TMEM117: variants seen among roughly 807,000 people sequenced by gnomAD.
The protein encoded by TMEM117 is transmembrane protein 117.
Under a neutral mutation model 52.4 loss-of-function variants are expected in TMEM117, and 27 were observed. The observed-to-expected ratio is 0.51, with a 90% CI of 0.38 to 0.71. The LOEUF is 0.71. TMEM117 is among the 30% of genes least tolerant of loss of function. The pLI, the probability that TMEM117 is intolerant of heterozygous loss-of-function variation, is 0.00. For missense variants in TMEM117, 556 were observed against 630.5 expected (o/e 0.88, Z 1.26); for synonymous variants, 215 against 206.3 (o/e 1.04, Z -0.36).
In TMEM117 at chr12:44,344,896, C is replaced by T. The variant is rs573933796; in HGVS notation, c.769-31699C>T. Among the ~76,000 whole-genome samples, 15 of 152,100 alleles carry T rather than the reference C, an allele frequency of 9.9e-5. No homozygotes were observed. The South Asian group carries it at 2.7e-3, about 27-fold the overall frequency. On this transcript the variant is annotated intron_variant, in intron 6 of 7. Transcript: ENST00000266534. Reference sequence around the variant, plus strand: ...GAGTAGGATTGCAGGGTCTCTTATGCCTTCTGTTGGGACATCTGATTGTTT... The same window carrying T: ...GAGTAGGATTGCAGGGTCTCTTATGTCTTCTGTTGGGACATCTGATTGTTT...
chr12:43,996,642 C>CAATA (rs71091192), intron 3 of TMEM117, among the ~76,000 whole-genome samples: 4,378 of 145,214 alleles, frequency 0.03, 113 homozygotes, highest in African/African-American at 0.067. Flanking sequence ...GACTCCATCT[C>CAATA]AATAAATAAA....
intron 6 of TMEM117, among the ~76,000 whole-genome samples, chr12:44,345,985 C>T (rs1009654098): frequency 6.6e-6 from 1 of 151,954 alleles, no homozygotes; most frequent in East Asian, 1.9e-4. Flanking sequence ...ACTAAAATTC[C>T]CTCTTTTAAA....
chr12:44,265,419 C>T (rs2138551627), intron 5 of TMEM117, among the ~76,000 whole-genome samples: 1 of 152,214 alleles, frequency 6.6e-6, no homozygotes, highest in Non-Finnish European at 1.5e-5. Context: ...TCATTTTTGG[C>T]TGCTCTGTGG....
chr12:44,092,765 C>G (rs781158905), intron 3 of TMEM117, among the ~76,000 whole-genome samples: 9 of 152,222 alleles, frequency 5.9e-5, no homozygotes, highest in Non-Finnish European at 1.3e-4. Flanking sequence ...TTCATTCTTT[C>G]ACCAGTAGTT....
chr12:43,836,657 A>G (rs538134277), intron 1 of TMEM117, among the ~76,000 whole-genome samples: 2 of 152,312 alleles, frequency 1.3e-5, no homozygotes, highest in Admixed American at 6.5e-5. Context: ...GGAAAAAAAC[A>G]AAGACTTGGG....
intron 2 of TMEM117, among the ~76,000 whole-genome samples, chr12:43,877,956 A>G (rs955951631): frequency 4.0e-5 from 6 of 151,828 alleles, no homozygotes; most frequent in Admixed American, 2.6e-4. Context: ...ATATATGTTT[A>G]TGATTTGTTT....
chr12:44,340,683 A>G (rs1951405045), intron 6 of TMEM117, among the ~76,000 whole-genome samples: 1 of 152,100 alleles, frequency 6.6e-6, no homozygotes, highest in Non-Finnish European at 1.5e-5. Flanking sequence ...TACAAGAAGG[A>G]GATGGAGCTG....
Position 43,848,206 on chromosome 12 carries a change from T to C in TMEM117, c.277+3278T>C, listed in dbSNP as rs12316680. ...ACTGATAAGGGTCTATGTTCAGCAG[T>C]GCATGTATTGTCTTGATAAACATCT... On this transcript the variant is annotated intron_variant, in intron 2 of 7. Transcript: ENST00000266534. Among the ~76,000 whole-genome samples the C allele has an allele frequency of 6.6e-3, 1,004 of 152,252 alleles. 9 individuals carry two copies. The highest frequency in any genetic ancestry group is 0.023 in the African/African-American group (936 of 41,524).
the TMEM117 span, among the ~76,000 whole-genome samples, chr12:43,811,046 G>A: frequency 1.3e-5 from 2 of 152,118 alleles, no homozygotes; most frequent in African/African-American, 2.4e-5. Flanking sequence ...GATAGTTTTT[G>A]GTGAGATAGA....
At chr12:44,246,037 G>A (rs1054422549) in intron 5 of TMEM117, among the ~76,000 whole-genome samples, 1 of 152,012 alleles carries the variant, frequency 6.6e-6, no homozygotes, top group Non-Finnish European at 1.5e-5. Context: ...AATTTGATCA[G>A]CATCTACAGA....
At chr12:44,353,104 G>A (rs1487375880) in intron 6 of TMEM117, among the ~76,000 whole-genome samples, 1 of 152,148 alleles carries the variant, frequency 6.6e-6, no homozygotes, top group Non-Finnish European at 1.5e-5. Context: ...CTTTTGAGCG[G>A]TGTCTGTTCA....
chr12:44,130,681 T>C (rs1357073394), intron 3 of TMEM117, among the ~76,000 whole-genome samples: 1 of 152,150 alleles, frequency 6.6e-6, no homozygotes, highest in East Asian at 1.9e-4. Flanking sequence ...GGAAAGTTTC[T>C]AAATATAGAT....
intron 1 of TMEM117, among the ~76,000 whole-genome samples, chr12:43,842,742 G>A (rs527563225): frequency 2.0e-5 from 3 of 149,564 alleles, no homozygotes; most frequent in South Asian, 2.1e-4. Flanking sequence ...ACACACACAC[G>A]TGCACGCACA....
At chr12:43,963,728 A>C (rs924479813) in intron 3 of TMEM117, among the ~76,000 whole-genome samples, 7 of 152,216 alleles carry the variant, frequency 4.6e-5, no homozygotes, top group Non-Finnish European at 1.0e-4. Context: ...GCATGATTGG[A>C]GATCCAAGTC....
rs1169298918 is a variant in TMEM117 at position 43,837,552 on chromosome 12, G to A, written c.-29+1356G>A. Among the ~76,000 whole-genome samples, 4 of 152,040 alleles carry A rather than the reference G, an allele frequency of 2.6e-5. No individual in the cohort carries two copies. The East Asian group carries it at 7.7e-4, about 29-fold the overall frequency. On this transcript the variant is annotated intron_variant, in intron 1 of 7. Transcript: ENST00000266534. ...AGTAGAGATGGGGTTTCACCATGTT[G>A]GTCAGGCTGGTCTCGAACTCTTGAC... is the stretch of plus-strand genomic sequence containing the variant.
intron 3 of TMEM117, among the ~76,000 whole-genome samples, chr12:44,093,464 A>G (rs993637674): frequency 3.9e-5 from 6 of 152,196 alleles, no homozygotes; most frequent in African/African-American, 1.4e-4. Context: ...CACAGTGTCC[A>G]GGATCCCTCT....
chr12:44,167,036 G>A (rs1324844164), intron 4 of TMEM117, among the ~76,000 whole-genome samples: 3 of 152,154 alleles, frequency 2.0e-5, no homozygotes, highest in African/African-American at 4.8e-5. Context: ...TCTCTTGTGG[G>A]ATTATTACAT....
intron 6 of TMEM117, among the ~76,000 whole-genome samples, chr12:44,304,517 CCTT>C (rs1335279899): frequency 3.3e-5 from 5 of 152,162 alleles, no homozygotes; most frequent in Admixed American, 6.5e-5. Flanking sequence ...TTGAACCACT[CCTT>C]CTTCAATCCC....
At chr12:43,917,871 T>C (rs1022077887) in intron 2 of TMEM117, among the ~76,000 whole-genome samples, 1 of 152,174 alleles carries the variant, frequency 6.6e-6, no homozygotes, top group African/African-American at 2.4e-5. Context: ...ACTTGGGTTA[T>C]ACTTTTTTAG....
Sources: allele counts gnomAD v4.1 joint callset (sites outside exome capture counted in the v4.1 genomes callset), GRCh38; gene constraint gnomAD v4.1.1; transcripts MANE v1.5; gene names NCBI Gene and HGNC (gene_info 2026-07-23, HGNC 2026-07-21).